Variants in PKIB observed in about 807,000 individuals in gnomAD.
PKIB encodes the protein PKI-beta.
In PKIB, 2 loss-of-function variants were observed where a neutral mutation model predicts 4.5. That is an observed-to-expected ratio of 0.44 (90% CI 0.18 to 1.39). The LOEUF (loss-of-function observed/expected upper bound fraction) is 1.39. PKIB is among the 40% of genes most tolerant of loss of function. PKIB has a pLI of 0.27. For synonymous variants in PKIB, 38 were observed against 36.0 expected (o/e 1.06, Z -0.20); for missense variants, 94 against 92.6 (o/e 1.02, Z -0.06).
At chr6:122,476,515 C>T (rs1775454475) in intron 1 of PKIB, among the ~76,000 whole-genome samples, 1 of 152,124 alleles carries the variant, frequency 6.6e-6, no homozygotes, top group Admixed American at 6.6e-5. Context: ...ATTCTTTCCA[C>T]ACAGATTTTC....
chr6:122,583,086 T>C (rs1264209632), intron 2 of PKIB, among the ~76,000 whole-genome samples: 2 of 152,066 alleles, frequency 1.3e-5, no homozygotes, highest in Non-Finnish European at 1.5e-5. Flanking sequence ...TCTTTTCCTT[T>C]TTTCTATTTA....
At chr6:122,502,111 C>T (rs145481294) in intron 2 of PKIB, among the ~76,000 whole-genome samples, 2,104 of 151,880 alleles carry the variant, frequency 0.014, 23 homozygotes, top group Non-Finnish European at 0.017. Context: ...CACCACCACA[C>T]CCAGCTAATT....
intron 2 of PKIB, among the ~76,000 whole-genome samples, chr6:122,638,405 C>T (rs1357247612): frequency 6.6e-6 from 1 of 152,108 alleles, no homozygotes; most frequent in Non-Finnish European, 1.5e-5. Flanking sequence ...ACCAGTGTAC[C>T]CGTGAACTTT....
chr6:122,488,090 C>A (rs773162957), intron 2 of PKIB, among the ~76,000 whole-genome samples: 2 of 152,012 alleles, frequency 1.3e-5, no homozygotes, highest in Non-Finnish European at 1.5e-5. Context: ...AGCATCCATC[C>A]AAGGTTCTTA....
At chr6:122,563,919 G>A (rs376205009) in intron 2 of PKIB, among the ~76,000 whole-genome samples, 5 of 152,152 alleles carry the variant, frequency 3.3e-5, no homozygotes, top group African/African-American at 9.7e-5. Flanking sequence ...TCCCCTGCTG[G>A]TGGAGTCTGC....
chr6:122,577,105 A>G (rs151263659), intron 2 of PKIB, among the ~76,000 whole-genome samples: 1 of 152,160 alleles, frequency 6.6e-6, no homozygotes, highest in African/African-American at 2.4e-5. Context: ...CAATAATTAC[A>G]CTATAACATT....
intron 1 of PKIB, among the ~76,000 whole-genome samples, chr6:122,617,251 G>A (rs2114777928): frequency 6.6e-6 from 1 of 152,180 alleles, no homozygotes; most frequent in African/African-American, 2.4e-5. Flanking sequence ...TGTCCCTTAT[G>A]GATTCAACCA....
chr6:122,627,333 T>C (rs1472887916), intron 1 of PKIB, among the ~76,000 whole-genome samples: 1 of 152,150 alleles, frequency 6.6e-6, no homozygotes, highest in Non-Finnish European at 1.5e-5. Context: ...TTTCTATAAT[T>C]AATTTCTACA....
At chr6:122,602,328 G>A (rs1327066857) in intron 3 of PKIB, among the ~76,000 whole-genome samples, 1 of 152,158 alleles carries the variant, frequency 6.6e-6, no homozygotes, top group African/African-American at 2.4e-5. Flanking sequence ...GGAATGGGAA[G>A]ATGAAAAAGA....
chr6:122,526,585 C>T (rs2114609766), intron 2 of PKIB, among the ~76,000 whole-genome samples: 1 of 152,038 alleles, frequency 6.6e-6, no homozygotes, highest in East Asian at 1.9e-4. Flanking sequence ...TATTTTAAAA[C>T]AAAATCTTTT....
chr6:122,680,162 C>A (rs1177862477), intron 3 of PKIB, among the ~76,000 whole-genome samples: 1 of 152,156 alleles, frequency 6.6e-6, no homozygotes, highest in Admixed American at 6.5e-5. Context: ...AAAAGGCATA[C>A]AAATCTATTT....
intron 3 of PKIB, among the ~76,000 whole-genome samples, chr6:122,587,781 T>G (rs1174992845): frequency 6.6e-6 from 1 of 152,236 alleles, no homozygotes; most frequent in Non-Finnish European, 1.5e-5. Flanking sequence ...TGGCCAGTGA[T>G]GATGAGCATT....
chr6:122,628,218 G>T (rs1775544303), intron 1 of PKIB, among the ~76,000 whole-genome samples: 1 of 152,104 alleles, frequency 6.6e-6, no homozygotes, highest in Non-Finnish European at 1.5e-5. Context: ...TGTATTTTTA[G>T]TAGAGATGGG....
At chr6:122,606,375 C>T (rs1254373821), upstream of PKIB, among the ~76,000 whole-genome samples, 5 of 152,050 alleles carry the variant, frequency 3.3e-5, no homozygotes, top group Admixed American at 6.6e-5. Context: ...GAGTCCAAGA[C>T]GAGCCTGGCT....
At chr6:122,665,149 T>C (rs747581275) in intron 2 of PKIB, among the ~76,000 whole-genome samples, 21 of 152,122 alleles carry the variant, frequency 1.4e-4, no homozygotes, top group Non-Finnish European at 2.6e-4. Context: ...AGTTTCAAAA[T>C]GACAGCAATG....
chr6:122,531,676 C>A (rs942035262), intron 2 of PKIB, among the ~76,000 whole-genome samples: 1 of 152,170 alleles, frequency 6.6e-6, no homozygotes, highest in Admixed American at 6.5e-5. Flanking sequence ...CCACCTTTCA[C>A]TTCTGGTAAG....
intron 2 of PKIB, among the ~76,000 whole-genome samples, chr6:122,580,109 G>A (rs1441364545): frequency 1.3e-5 from 2 of 151,992 alleles, no homozygotes; most frequent in African/African-American, 4.8e-5. Flanking sequence ...TGTGTTGCTA[G>A]TTTGATATAT....
chr6:122,565,776 G>A, intron 2 of PKIB, among the ~76,000 whole-genome samples: 1 of 152,278 alleles, frequency 6.6e-6, no homozygotes, highest in East Asian at 1.9e-4. Flanking sequence ...ATTTTTAGGT[G>A]AAAGTGACAG....
chr6:122,518,925 T>C (rs1776847055), intron 2 of PKIB, among the ~76,000 whole-genome samples: 1 of 152,224 alleles, frequency 6.6e-6, no homozygotes, highest in South Asian at 2.1e-4. Flanking sequence ...ACTGTACTTT[T>C]CATTGTAAGA....
Sources: allele counts gnomAD v4.1 joint callset (sites outside exome capture counted in the v4.1 genomes callset), GRCh38; gene constraint gnomAD v4.1.1; transcripts MANE v1.5; gene names NCBI Gene and HGNC (gene_info 2026-07-23, HGNC 2026-07-21).